The following TRAPPC9 variants were observed in gnomAD, a reference collection of about 807,000 sequenced individuals.
The protein encoded by TRAPPC9 is trafficking protein particle complex subunit 9.
Under a neutral mutation model 124.0 loss-of-function variants are expected in TRAPPC9, and 83 were observed. The observed-to-expected ratio is 0.67, with a 90% CI of 0.56 to 0.80. TRAPPC9 has a LOEUF of 0.80. Ranked by LOEUF, TRAPPC9 falls within the 30% of genes least tolerant of loss-of-function variation. TRAPPC9 has a pLI of 0.00. For synonymous variants in TRAPPC9, 638 were observed against 617.5 expected, an observed-to-expected ratio of 1.03 and a Z score of -0.49; for missense variants, 1,302 against 1,508.3, an observed-to-expected ratio of 0.86 and a Z score of 2.27.
chr8:140,345,317 C>G (rs1277112224), intron 9 of TRAPPC9, among the ~76,000 whole-genome samples: 2 of 152,138 alleles, frequency 1.3e-5, no homozygotes, highest in Admixed American at 1.3e-4. Flanking sequence ...GTGCACCTGG[C>G]AATGACCACA....
intron 20 of TRAPPC9, among the ~76,000 whole-genome samples, chr8:139,888,717 C>T (rs1031673218): frequency 7.2e-5 from 11 of 152,234 alleles, no homozygotes; most frequent in African/African-American, 2.7e-4. Flanking sequence ...ACACACACAG[C>T]CTATGTTTGC....
At chr8:139,850,875 A>G (rs59758520) in intron 21 of TRAPPC9, among the ~76,000 whole-genome samples, 90 of 152,332 alleles carry the variant, frequency 5.9e-4, no homozygotes, top group African/African-American at 2.0e-3. Context: ...ATGAAGTCCT[A>G]CCACACACCA....
chr8:140,360,890 G>A (rs549944135), intron 8 of TRAPPC9, among the ~76,000 whole-genome samples: 2 of 152,134 alleles, frequency 1.3e-5, no homozygotes, highest in African/African-American at 2.4e-5. Flanking sequence ...GTTACACACC[G>A]CCATGCCCAA....
At chr8:140,023,473 A>T (rs1323682584) in intron 18 of TRAPPC9, among the ~76,000 whole-genome samples, 4 of 152,188 alleles carry the variant, frequency 2.6e-5, no homozygotes, top group Admixed American at 1.3e-4. Flanking sequence ...GGCAGAAATG[A>T]CCTGATGCCA....
At chr8:139,877,970 A>C (rs149829353) in intron 21 of TRAPPC9, among the ~76,000 whole-genome samples, 151 of 152,292 alleles carry the variant, frequency 9.9e-4, no homozygotes, top group Non-Finnish European at 1.8e-3. Context: ...ATCATCACAC[A>C]ATAAAGTTGA....
At chr8:140,441,186 G>A (rs1487522505) in intron 2 of TRAPPC9, among the ~76,000 whole-genome samples, 1 of 151,774 alleles carries the variant, frequency 6.6e-6, no homozygotes, top group Non-Finnish European at 1.5e-5. Flanking sequence ...TCCTTATGTT[G>A]CTCAAGCTGG....
chr8:139,826,160 G>C (rs1825615560), intron 21 of TRAPPC9, among the ~76,000 whole-genome samples: 1 of 152,222 alleles, frequency 6.6e-6, no homozygotes, highest in Admixed American at 6.5e-5. Context: ...AGGCCCAGAG[G>C]GGCAGGCTGT....
intron 17 of TRAPPC9, among the ~76,000 whole-genome samples, chr8:140,077,071 C>T (rs146768393): frequency 1.3e-3 from 202 of 152,140 alleles, no homozygotes; most frequent in African/African-American, 4.5e-3. Flanking sequence ...GAGGCTGAGG[C>T]AGGAGGATCG....
At chr8:139,806,702 C>T (rs1824088278) in intron 21 of TRAPPC9, among the ~76,000 whole-genome samples, 1 of 152,214 alleles carries the variant, frequency 6.6e-6, no homozygotes, top group Non-Finnish European at 1.5e-5. Context: ...CTGAAGTTGA[C>T]CAGAGTCCAT....
intron 4 of TRAPPC9, among the ~76,000 whole-genome samples, chr8:140,434,560 T>C (rs1406854186): frequency 6.6e-6 from 1 of 152,230 alleles, no homozygotes; most frequent in African/African-American, 2.4e-5. Context: ...GAACCTCAAG[T>C]CTGTTCTACC....
chr8:140,154,378 C>T (rs942709418), intron 17 of TRAPPC9, among the ~76,000 whole-genome samples: 14 of 152,128 alleles, frequency 9.2e-5, no homozygotes, highest in Admixed American at 3.3e-4. Context: ...TCTTCACTGA[C>T]CCCCTCCGCC....
intron 5 of TRAPPC9, among the ~76,000 whole-genome samples, chr8:140,407,801 T>C (rs2069548048): frequency 6.6e-6 from 1 of 152,162 alleles, no homozygotes; most frequent in Admixed American, 6.5e-5. Flanking sequence ...TTTGTATTTT[T>C]AGTAGAGATG....
rs56143816 is a variant in TRAPPC9 at position 139,732,352 on chromosome 8, G to T, written c.3056-150C>A. ...TGCCAGGCTGGACACTGGGGACACAGATGTGTGACCAGTTCCTGGTCTCCG... is the reference window on the plus strand; with the variant it reads ...TGCCAGGCTGGACACTGGGGACACATATGTGTGACCAGTTCCTGGTCTCCG... On this transcript the variant is annotated intron_variant, in intron 21 of 22. Transcript: ENST00000438773. The T allele has an allele frequency of 3.1e-3, 2,303 of 737,728 alleles. 37 individuals carry two copies. The African/African-American group carries it at 0.035, about 11-fold the overall frequency. The allele number at this position is 737,728 out of a possible 1,614,324, so 45.7% of individuals were successfully genotyped here.
intron 17 of TRAPPC9, among the ~76,000 whole-genome samples, chr8:140,065,359 C>T (rs1335611396): frequency 2.6e-5 from 4 of 152,196 alleles, no homozygotes; most frequent in Non-Finnish European, 5.9e-5. Flanking sequence ...ATCCATTAGA[C>T]CTAGCAAAGA....
At chr8:140,146,477 G>C (rs981643273) in intron 17 of TRAPPC9, among the ~76,000 whole-genome samples, 1 of 152,192 alleles carries the variant, frequency 6.6e-6, no homozygotes, top group Non-Finnish European at 1.5e-5. Context: ...GGTGTGGGGA[G>C]GGTGGTATAT....
chr8:140,294,652 G>A (rs1232455763), intron 11 of TRAPPC9, among the ~76,000 whole-genome samples: 1 of 151,208 alleles, frequency 6.6e-6, no homozygotes, highest in East Asian at 1.9e-4. Context: ...TCTGTACCCA[G>A]GTTGGAGTGC....
intron 16 of TRAPPC9, among the ~76,000 whole-genome samples, chr8:140,240,767 C>T (rs773029075): frequency 7.2e-5 from 11 of 152,178 alleles, no homozygotes; most frequent in East Asian, 1.9e-4. Flanking sequence ...CTCCAACTCC[C>T]GGACTCAAGT....
At chr8:140,190,318 C>T (rs1182519345) in intron 17 of TRAPPC9, among the ~76,000 whole-genome samples, 1 of 152,050 alleles carries the variant, frequency 6.6e-6, no homozygotes, top group African/African-American at 2.4e-5. Context: ...ATTAGCCAGG[C>T]GTCATGGCAG....
Position 140,252,812 on chromosome 8 carries a change from GA to G in TRAPPC9, c.2395del (p.Ser799ProfsTer17). ...TINIKVKLDFSCQENLLQDLS... is the reference protein window; with the variant it reads ...TINIKVKLDFXCQENLLQDLS... ...ATCCTGCAGGAGATTCTCCTGGCAGGAGAAATCCAGCTTCACTTTGATGTTG... is the reference window on the plus strand; with the variant it reads ...ATCCTGCAGGAGATTCTCCTGGCAGGGAAATCCAGCTTCACTTTGATGTTG... On this transcript the variant is annotated frameshift_variant, in exon 16 of 23. Coordinates refer to ENST00000438773, the MANE Select transcript of TRAPPC9 (RefSeq NM_001160372.4). LOFTEE classifies it high-confidence loss of function. This position sits in a 1 kb window ranked among gnomAD's most constrained non-coding sequence, Gnocchi z 4.2. 1 of 1,614,084 alleles carries G rather than the reference GA, an allele frequency of 6.2e-7. No homozygotes were observed.
Sources: allele counts gnomAD v4.1 joint callset (sites outside exome capture counted in the v4.1 genomes callset), GRCh38; gene constraint gnomAD v4.1.1; non-coding constraint Gnocchi (gnomAD v3.1); transcripts MANE v1.5; gene names NCBI Gene and HGNC (gene_info 2026-07-23, HGNC 2026-07-21).